HEXB: variants seen among roughly 807,000 people sequenced by gnomAD.
HEXB encodes hexosaminidase subunit beta.
HEXB carries 51 observed loss-of-function variants against 71.2 expected under a neutral mutation model. The observed-to-expected ratio is 0.72, with a 90% confidence interval of 0.57 to 0.90. The LOEUF (loss-of-function observed/expected upper bound fraction) is 0.90. Among genes scored for constraint, HEXB ranks in the 40% least tolerant of loss-of-function variants. HEXB has a pLI of 0.00. For synonymous variants in HEXB, 266 were observed against 249.3 expected (o/e 1.07, Z -0.63); for missense variants, 617 against 677.0 (o/e 0.91, Z 0.98).
chr5:74,708,621 A>G (rs1362376033), intron 6 of HEXB, among the ~76,000 whole-genome samples: 1 of 152,114 alleles, frequency 6.6e-6, no homozygotes, highest in Admixed American at 6.6e-5. Context: ...GGAAAACAAA[A>G]AAAGTCAGGG....
chr5:74,642,314 C>T (rs1747914149), intron 1 of HEXB, among the ~76,000 whole-genome samples: 1 of 151,694 alleles, frequency 6.6e-6, no homozygotes, highest in South Asian at 2.1e-4. Flanking sequence ...ACAGAGACAG[C>T]CCGGATCAAT....
chr5:74,683,046 C>T (rs1035547009), upstream of HEXB, among the ~76,000 whole-genome samples: 6 of 152,120 alleles, frequency 3.9e-5, no homozygotes, highest in Non-Finnish European at 8.8e-5. Flanking sequence ...AGGATATGAT[C>T]AACCTAATGG....
At chr5:74,673,005 T>A (rs1201655095) in intron 1 of HEXB, among the ~76,000 whole-genome samples, 2 of 152,072 alleles carry the variant, frequency 1.3e-5, no homozygotes, top group Admixed American at 6.5e-5. Context: ...ATTCAGATTT[T>A]TTTTTCTTAG....
intron 5 of HEXB, among the ~76,000 whole-genome samples, chr5:74,698,753 CT>C (rs1338955764): frequency 6.6e-6 from 1 of 152,130 alleles, no homozygotes; most frequent in Non-Finnish European, 1.5e-5. Flanking sequence ...AGTCTTGTCA[CT>C]TTTAAGAAAC....
intron 3 of HEXB, among the ~76,000 whole-genome samples, chr5:74,695,173 C>T (rs1025833696): frequency 6.7e-6 from 1 of 149,468 alleles, no homozygotes; most frequent in African/African-American, 2.5e-5. Flanking sequence ...CTGCCTGTCT[C>T]ATCTGCGTCT....
At chr5:74,701,537 T>C (rs1749260749) in intron 5 of HEXB, among the ~76,000 whole-genome samples, 4 of 152,160 alleles carry the variant, frequency 2.6e-5, no homozygotes, top group Admixed American at 1.3e-4. Flanking sequence ...GAAGTTACTT[T>C]CTGAAGTCAT....
At chr5:74,719,032 A>G (rs1447333215) in intron 11 of HEXB, 61 bp downstream of exon 11, 2 of 1,512,182 alleles carry the variant, frequency 1.3e-6, no homozygotes, top group African/African-American at 2.7e-5. Context: ...TAAGTGAAGC[A>G]ACCATTGTTA....
intron 1 of HEXB, among the ~76,000 whole-genome samples, chr5:74,654,406 A>C (rs952283527): frequency 6.6e-6 from 1 of 152,224 alleles, no homozygotes; most frequent in Non-Finnish European, 1.5e-5. Context: ...GCAGCATTGC[A>C]GAAGATGGCT....
chr5:74,698,257 A>G (rs1749163010), intron 5 of HEXB, among the ~76,000 whole-genome samples: 2 of 150,066 alleles, frequency 1.3e-5, no homozygotes, highest in Admixed American at 1.3e-4. Context: ...TTGCATTTTT[A>G]GTAGAGACGG....
At chr5:74,662,166 T>A (rs1341941676) in intron 1 of HEXB, among the ~76,000 whole-genome samples, 1 of 150,616 alleles carries the variant, frequency 6.6e-6, no homozygotes, top group East Asian at 1.9e-4. Context: ...ATTTTAAGCT[T>A]TTTTTTTTCA....
chr5:74,644,916 C>T lies in HEXB; in HGVS notation c.-377+4358C>T, dbSNP rs542688932. 7.9e-5 allele frequency among the ~76,000 whole-genome samples: 12 copies of T among 151,428 alleles called. No homozygotes were observed. In the South Asian group the frequency reaches 1.0e-3, roughly 13 times the overall value. On this transcript the variant is annotated intron_variant, in intron 1 of 13. Coordinates refer to the HEXB transcript ENST00000511181. ...CCTCTCAAGTAAATGGGACTACAGG[C>T]GCCTGCCACCACATCCGGCTAATTT...
At chr5:74,709,952 C>T (rs1580392574) in intron 6 of HEXB, among the ~76,000 whole-genome samples, 1 of 151,826 alleles carries the variant, frequency 6.6e-6, no homozygotes, top group African/African-American at 2.4e-5. Flanking sequence ...CCAGCATCAT[C>T]CTGATACCAA....
In HEXB at chr5:74,655,346, G is replaced by T. The variant is rs374284535; in HGVS notation, c.-377+14788G>T. Among the ~76,000 whole-genome samples, 12 of 131,954 alleles carry T rather than the reference G, an allele frequency of 9.1e-5. No individual in the cohort carries two copies. In the East Asian group the frequency reaches 2.3e-3, roughly 26 times the overall value. 86.6% of individuals were successfully genotyped at this position (131,954 alleles called of 152,430 possible). On this transcript the variant is annotated intron_variant, in intron 1 of 13. Transcript: ENST00000511181. Reference sequence around the variant, plus strand: ...TTTTTTTTTTTTGAGACAGGATCTCGCTCTGTCACCCAGGATGGAGAGCAG... The same window carrying T: ...TTTTTTTTTTTTGAGACAGGATCTCTCTCTGTCACCCAGGATGGAGAGCAG...
intron 1 of HEXB, among the ~76,000 whole-genome samples, chr5:74,675,069 A>G (rs1748606842): frequency 6.6e-6 from 1 of 152,212 alleles, no homozygotes; most frequent in African/African-American, 2.4e-5. Flanking sequence ...GACTATTGCA[A>G]CATGGGAGTC....
At chr5:74,680,501 T>C (rs1748719134), upstream of HEXB, among the ~76,000 whole-genome samples, 1 of 152,222 alleles carries the variant, frequency 6.6e-6, no homozygotes, top group Non-Finnish European at 1.5e-5. Context: ...GGATGTAATT[T>C]ATATGCTAAC....
chr5:74,664,815 T>C (rs991613699), intron 1 of HEXB, among the ~76,000 whole-genome samples: 14 of 152,048 alleles, frequency 9.2e-5, no homozygotes, highest in Non-Finnish European at 1.6e-4. Flanking sequence ...CAATGGCAAT[T>C]AATAGGGCAG....
intron 5 of HEXB, among the ~76,000 whole-genome samples, chr5:74,699,479 T>C (rs532526548): frequency 1.3e-5 from 2 of 152,142 alleles, no homozygotes; most frequent in South Asian, 4.2e-4. Context: ...TTCACCATGT[T>C]GGTCAGGCTG....
intron 2 of HEXB, among the ~76,000 whole-genome samples, chr5:74,690,770 G>A (rs1233205594): frequency 6.7e-6 from 1 of 149,114 alleles, no homozygotes; most frequent in Non-Finnish European, 1.5e-5. Context: ...TTAAGTACAT[G>A]TCTTCATCCT....
upstream of HEXB, among the ~76,000 whole-genome samples, chr5:74,684,050 A>G (rs1051605389): frequency 6.6e-6 from 1 of 151,850 alleles, no homozygotes; most frequent in Non-Finnish European, 1.5e-5. Flanking sequence ...CGAACTCCTG[A>G]ACTTGTGATC....
Sources: gnomAD v4.1 joint callset for allele counts (sites outside exome capture counted in the v4.1 genomes callset) on GRCh38, gnomAD v4.1.1 for gene constraint, MANE v1.5 for transcripts, NCBI Gene and HGNC (gene_info 2026-07-23, HGNC 2026-07-21) for gene names.